PLD5: variants seen among roughly 807,000 people sequenced by gnomAD.
PLD5 encodes the protein phospholipase D family member 5.
Under a neutral mutation model 61.1 loss-of-function variants are expected in PLD5, and 36 were observed. That is an observed-to-expected ratio of 0.59 (90% CI 0.45 to 0.78). The LOEUF (loss-of-function observed/expected upper bound fraction) is 0.78, where lower values mean the gene tolerates loss of function less well. Ranked by LOEUF, PLD5 falls within the 30% of genes least tolerant of loss-of-function variation. PLD5 has a pLI of 0.00. For missense variants in PLD5, 515 were observed against 644.4 expected (o/e 0.80, Z 2.17); for synonymous variants, 243 against 242.8 (o/e 1.00, Z -0.01).
At chr1:242,401,530 T>A (rs1006329009) in intron 1 of PLD5, among the ~76,000 whole-genome samples, 6 of 152,130 alleles carry the variant, frequency 3.9e-5, no homozygotes, top group African/African-American at 1.4e-4. Context: ...CAAGCCCACA[T>A]CCTGTAATGT....
intron 1 of PLD5, among the ~76,000 whole-genome samples, chr1:242,463,712 C>T (rs1294922837): frequency 1.3e-5 from 2 of 151,952 alleles, no homozygotes; most frequent in African/African-American, 2.4e-5. Context: ...TACTTATACC[C>T]GTATCCCATC....
chr1:242,359,187 C>T (rs1660931088), intron 1 of PLD5, among the ~76,000 whole-genome samples: 1 of 152,192 alleles, frequency 6.6e-6, no homozygotes. Flanking sequence ...GTTGTGACCC[C>T]AGGTGATCTG....
intron 2 of PLD5, among the ~76,000 whole-genome samples, chr1:242,324,181 G>T (rs980600235): frequency 2.0e-5 from 3 of 151,926 alleles, no homozygotes; most frequent in African/African-American, 7.3e-5. Flanking sequence ...ACTACTTTCA[G>T]GCAAATGACA....
At chr1:242,160,437 A>G (rs1322296165) in intron 5 of PLD5, among the ~76,000 whole-genome samples, 1 of 152,202 alleles carries the variant, frequency 6.6e-6, no homozygotes, top group Non-Finnish European at 1.5e-5. Flanking sequence ...TCAACATAAC[A>G]TTCCTGAGAT....
At chr1:242,308,607 C>T (rs1676515342) in intron 2 of PLD5, among the ~76,000 whole-genome samples, 1 of 151,728 alleles carries the variant, frequency 6.6e-6, no homozygotes, top group Non-Finnish European at 1.5e-5. Flanking sequence ...ATAATTTGCT[C>T]ATAGAATGAA....
intron 1 of PLD5, among the ~76,000 whole-genome samples, chr1:242,486,260 C>T (rs1215767474): frequency 4.6e-5 from 7 of 152,062 alleles, no homozygotes; most frequent in Non-Finnish European, 1.0e-4. Flanking sequence ...AAAGAAACTA[C>T]CATCAGAGTG....
In PLD5 at chr1:242,093,543, G is replaced by A. The variant is rs530362947; in HGVS notation, c.1355-3433C>T. On this transcript the variant is annotated intron_variant, in intron 9 of 9. Transcript: ENST00000536534. ...GATGAGGAAATGAAGGCACAGAAGGGTTAAGTAATTTGTCCAAAGCGGGAA... is the reference window on the plus strand; with the variant it reads ...GATGAGGAAATGAAGGCACAGAAGGATTAAGTAATTTGTCCAAAGCGGGAA... 9.2e-5 allele frequency among the ~76,000 whole-genome samples: 14 copies of A among 152,276 alleles called. 1 individual carries two copies. In the South Asian group the frequency reaches 2.9e-3, roughly 32 times the overall value.
intron 1 of PLD5, among the ~76,000 whole-genome samples, chr1:242,456,480 A>G (rs1666948132): frequency 6.6e-6 from 1 of 152,208 alleles, no homozygotes; most frequent in African/African-American, 2.4e-5. Context: ...AAAGAACTCT[A>G]AAAAGAAAAT....
chr1:242,464,265 A>C (rs1490270883), intron 1 of PLD5, among the ~76,000 whole-genome samples: 1 of 152,128 alleles, frequency 6.6e-6, no homozygotes, highest in Non-Finnish European at 1.5e-5. Context: ...AATGGCAAGT[A>C]AGTGCCAGTG....
At chr1:242,504,738 C>T (rs1553435) in intron 1 of PLD5, among the ~76,000 whole-genome samples, 32,654 of 151,964 alleles carry the variant, frequency 0.21, 3,775 homozygotes, top group African/African-American at 0.27. Context: ...GTGTTTTCTG[C>T]CTCGGTGAAA....
chr1:242,135,945 C>T (rs1200845466), intron 5 of PLD5, among the ~76,000 whole-genome samples: 5 of 152,016 alleles, frequency 3.3e-5, no homozygotes, highest in Admixed American at 3.3e-4. Flanking sequence ...ATGAATTTAG[C>T]ATGCAGAGCA....
At chr1:242,132,478 T>C (rs1376180425) in intron 5 of PLD5, among the ~76,000 whole-genome samples, 2 of 152,202 alleles carry the variant, frequency 1.3e-5, no homozygotes, top group Non-Finnish European at 2.9e-5. Context: ...TTTAATTTTC[T>C]TGACAAAGAC....
chr1:242,358,117 ACTT>A (rs1660859782), intron 1 of PLD5, among the ~76,000 whole-genome samples: 1 of 151,488 alleles, frequency 6.6e-6, no homozygotes, highest in African/African-American at 2.4e-5. Context: ...TCTTTGTCAA[ACTT>A]CTCATATTGT....
chr1:242,497,178 C>CTGCATAAATCTG (rs1668398055), intron 1 of PLD5, among the ~76,000 whole-genome samples: 2 of 152,228 alleles, frequency 1.3e-5, no homozygotes, highest in Admixed American at 6.5e-5. Context: ...ACTACATCTA[C>CTGCATAAATCTG]TGCATAAAGA....
At chr1:242,115,413 G>A (rs1363975136) in intron 6 of PLD5, among the ~76,000 whole-genome samples, 1 of 151,788 alleles carries the variant, frequency 6.6e-6, no homozygotes, top group African/African-American at 2.4e-5. Flanking sequence ...TCTTTCCCCA[G>A]CCTCTAGTAT....
intron 6 of PLD5, among the ~76,000 whole-genome samples, chr1:242,114,691 C>T (rs1209317693): frequency 6.6e-6 from 1 of 152,120 alleles, no homozygotes; most frequent in African/African-American, 2.4e-5. Flanking sequence ...CTACTGTGAA[C>T]TGCGCATGTA....
At chr1:242,443,408 A>G (rs1340342136) in intron 1 of PLD5, among the ~76,000 whole-genome samples, 6 of 152,174 alleles carry the variant, frequency 3.9e-5, no homozygotes, top group Non-Finnish European at 7.3e-5. Flanking sequence ...GGAGGGCCAC[A>G]TCAAGGAAGG....
At chr1:242,453,730 A>G (rs530644706) in intron 1 of PLD5, among the ~76,000 whole-genome samples, 23 of 152,306 alleles carry the variant, frequency 1.5e-4, no homozygotes, top group African/African-American at 5.5e-4. Flanking sequence ...ATGCAGAGAC[A>G]TAGGCTCCTA....
chr1:242,379,620 A>T (rs1572016145), intron 1 of PLD5, among the ~76,000 whole-genome samples: 1 of 140,276 alleles, frequency 7.1e-6, no homozygotes, highest in African/African-American at 3.0e-5. Flanking sequence ...TTACTACTTT[A>T]AAAAAAAAAA....
Sources: allele counts gnomAD v4.1 joint callset (sites outside exome capture counted in the v4.1 genomes callset), GRCh38; gene constraint gnomAD v4.1.1; transcripts MANE v1.5; gene names NCBI Gene and HGNC (gene_info 2026-07-23, HGNC 2026-07-21).